The following FER1L6 variants were observed in gnomAD, a reference collection of about 807,000 sequenced individuals.
FER1L6 encodes fer-1 like family member 6.
A neutral mutation model predicts 219.2 loss-of-function variants in FER1L6; 177 were observed. That is an observed-to-expected ratio of 0.81 (90% CI 0.71 to 0.91). The LOEUF (loss-of-function observed/expected upper bound fraction) is 0.91. Ranked by LOEUF, FER1L6 falls within the 40% of genes least tolerant of loss-of-function variation. The probability of loss-of-function intolerance (pLI) is 0.00; values close to 1 mark genes in which losing one functional copy is unlikely to be tolerated. For synonymous variants in FER1L6, 768 were observed against 824.3 expected (o/e 0.93, Z 1.17); for missense variants, 2,153 against 2,259.9 (o/e 0.95, Z 0.96).
chr8:123,938,980 G>A (rs1376131005), intron 1 of FER1L6, among the ~76,000 whole-genome samples: 1 of 152,190 alleles, frequency 6.6e-6, no homozygotes, highest in Non-Finnish European at 1.5e-5. Flanking sequence ...CTGTTCGAGG[G>A]TTGCCTGGGT....
intron 1 of FER1L6, among the ~76,000 whole-genome samples, chr8:123,949,557 C>A (rs1329231000): frequency 6.6e-6 from 1 of 152,162 alleles, no homozygotes; most frequent in East Asian, 1.9e-4. Context: ...AAAATACTAC[C>A]TCAATTGCTG....
intron 1 of FER1L6, among the ~76,000 whole-genome samples, chr8:123,940,717 A>G (rs1814206330): frequency 6.6e-6 from 1 of 152,154 alleles, no homozygotes; most frequent in Non-Finnish European, 1.5e-5. Context: ...TTGAATTGTA[A>G]AGAAAATTCC....
chr8:124,091,872 C>A (rs980328139), intron 34 of FER1L6, among the ~76,000 whole-genome samples: 6 of 151,186 alleles, frequency 4.0e-5, no homozygotes, highest in Non-Finnish European at 7.4e-5. Flanking sequence ...GAGGCTGAGG[C>A]ACGAGAATCA....
intron 38 of FER1L6, among the ~76,000 whole-genome samples, chr8:124,102,390 C>A (rs978368344): frequency 1.3e-5 from 2 of 152,098 alleles, no homozygotes; most frequent in Non-Finnish European, 2.9e-5. Flanking sequence ...AATCTCATTT[C>A]TGTAAACTAC....
chr8:123,949,224 A>G (rs1814639033), intron 1 of FER1L6, among the ~76,000 whole-genome samples: 1 of 152,214 alleles, frequency 6.6e-6, no homozygotes, highest in South Asian at 2.1e-4. Context: ...CCATTTGGAA[A>G]AGTCTGAATA....
chr8:123,901,433 T>A (rs1812853699), intron 1 of FER1L6, among the ~76,000 whole-genome samples: 1 of 152,204 alleles, frequency 6.6e-6, no homozygotes, highest in Non-Finnish European at 1.5e-5. Flanking sequence ...CAATTTTATT[T>A]ATTTTTCAAA....
chr8:123,898,586 C>T (rs778574633), intron 1 of FER1L6, among the ~76,000 whole-genome samples: 12 of 150,126 alleles, frequency 8.0e-5, no homozygotes, highest in Middle Eastern at 7.0e-3. Flanking sequence ...CAATCTCATC[C>T]AGGTCACTGC....
At chr8:123,953,534 T>A (rs1814872653) in intron 1 of FER1L6, among the ~76,000 whole-genome samples, 1 of 152,210 alleles carries the variant, frequency 6.6e-6, no homozygotes, top group Non-Finnish European at 1.5e-5. Flanking sequence ...CATCTCGTCC[T>A]CTTCCCCAGC....
intron 1 of FER1L6, among the ~76,000 whole-genome samples, chr8:123,864,275 ATTCTT>A (rs1477536959): frequency 2.0e-5 from 3 of 148,854 alleles, no homozygotes; most frequent in African/African-American, 7.6e-5. Context: ...TGGGTTGAAA[ATTCTT>A]TTCTTTAAGA....
chr8:123,973,624 C>A, intron 7 of FER1L6, 112 bp downstream of exon 7: 1 of 794,268 alleles, frequency 1.3e-6, no homozygotes. Flanking sequence ...TAACACTGAG[C>A]ACCAGTTATA....
chr8:124,108,196 A>G (rs1189179009), intron 39 of FER1L6, among the ~76,000 whole-genome samples: 1 of 152,004 alleles, frequency 6.6e-6, no homozygotes, highest in Non-Finnish European at 1.5e-5. Context: ...CTTGTTTATA[A>G]TAACAACAAA....
Position 124,118,835 on chromosome 8 carries a change from T to G in FER1L6, c.5290-9T>G, listed in dbSNP as rs200552624. 20 of 1,613,266 alleles carry G rather than the reference T, an allele frequency of 1.2e-5. No individual in the cohort carries two copies. Among genetic ancestry groups the G allele is most frequent in the South Asian group, 7.7e-5 (7 of 91,032 alleles). ...GACTGGAAACAAAAGGTTTTGCATC[T>G]TTTTGCAGGGCAAGGTTGAAGCTGA... On this transcript the variant is annotated splice_polypyrimidine_tract_variant and intron_variant, in intron 39 of 40. Transcript: ENST00000522917.
chr8:123,873,348 A>T (rs1325683128), intron 1 of FER1L6, among the ~76,000 whole-genome samples: 1 of 152,192 alleles, frequency 6.6e-6, no homozygotes, highest in African/African-American at 2.4e-5. Context: ...AACTCATCCC[A>T]GTCCCCTGCA....
chr8:124,083,135 A>G (rs144910443), intron 33 of FER1L6, among the ~76,000 whole-genome samples: 5 of 149,368 alleles, frequency 3.3e-5, no homozygotes, highest in African/African-American at 1.2e-4. Flanking sequence ...TCAAATATTT[A>G]TCCTTTCTTT....
intron 1 of FER1L6, among the ~76,000 whole-genome samples, chr8:123,904,614 A>G (rs1285676126): frequency 1.3e-5 from 2 of 152,170 alleles, no homozygotes; most frequent in African/African-American, 4.8e-5. Context: ...AGATACTTAG[A>G]AGGTGGTGAG....
At chr8:123,866,291 A>G (rs899402771) in intron 1 of FER1L6, among the ~76,000 whole-genome samples, 1 of 151,674 alleles carries the variant, frequency 6.6e-6, no homozygotes, top group South Asian at 2.1e-4. Context: ...AAGGTTGTAT[A>G]GTATTCCATC....
At position 124,070,477 on chromosome 8, in the gene FER1L6, G is replaced by A; in HGVS notation, c.3845G>A (p.Gly1282Asp). The A allele has an allele frequency of 6.2e-7, 1 of 1,613,616 alleles. No individual in the cohort carries two copies. Among genetic ancestry groups the A allele is most frequent in the Non-Finnish European group, 8.5e-7 (1 of 1,179,710 alleles). Residue 1282 changes from glycine to aspartate, a missense_variant, in exon 30 of 41, where the codon GGT (glycine) becomes GAT (aspartate). By Grantham distance (94) the Gly-to-Asp change is moderately conservative (BLOSUM62 -1). Coordinates refer to ENST00000522917, the MANE Select transcript of FER1L6 (RefSeq NM_001039112.2). ...CCCTTTTCCCTAAAGATATATGACG[G>A]TGATCTCGAGAGTGAATTCAACAAT... is the stretch of plus-strand genomic sequence containing the variant. The part of the protein sequence containing the change: ...PNLAILQIYD[G>D]DLESEFNNFE...
At position 123,950,369 on chromosome 8, in the gene FER1L6, G is replaced by A. The variant is rs191522528; in HGVS notation, c.-7-5623G>A. Among the ~76,000 whole-genome samples the A allele has an allele frequency of 9.3e-4, 142 of 152,272 alleles. 2 individuals carry two copies. Among genetic ancestry groups the A allele is most frequent in the Admixed American group, 9.3e-3 (142 of 15,294 alleles). ...TGTGGGCACCGTTGGCATGCCCCAG[G>A]GTGGGCAGGAAGCATGCAAGAATAA... On this transcript the variant is annotated intron_variant, in intron 1 of 40. Coordinates refer to ENST00000522917, the MANE Select transcript of FER1L6 (RefSeq NM_001039112.2).
chr8:123,933,226 A>G (rs1813845485), intron 1 of FER1L6, among the ~76,000 whole-genome samples: 3 of 152,228 alleles, frequency 2.0e-5, no homozygotes, highest in Admixed American at 2.0e-4. Flanking sequence ...CTGTAAATGC[A>G]GTGTTCCAAA....
Sources: gnomAD v4.1 joint callset for allele counts (sites outside exome capture counted in the v4.1 genomes callset) on GRCh38, gnomAD v4.1.1 for gene constraint, MANE v1.5 for transcripts, NCBI Gene and HGNC (gene_info 2026-07-23, HGNC 2026-07-21) for gene names.